The following SLC16A14 variants were observed in gnomAD, a reference collection of about 807,000 sequenced individuals.
The protein encoded by SLC16A14 is solute carrier family 16 member 14.
In SLC16A14, 14 loss-of-function variants were observed where a neutral mutation model predicts 35.8. The observed-to-expected ratio is 0.39, with a 90% CI of 0.26 to 0.61. The LOEUF (loss-of-function observed/expected upper bound fraction) is 0.61, where lower values mean the gene tolerates loss of function less well. Ranked by LOEUF, SLC16A14 falls within the 20% of genes least tolerant of loss-of-function variation. SLC16A14 has a pLI of 0.51. For missense variants in SLC16A14, 533 were observed against 655.0 expected (o/e 0.81, Z 2.03); for synonymous variants, 248 against 258.9 (o/e 0.96, Z 0.40).
intron 1 of SLC16A14, chr2:230,067,007 G>A (rs4246641): frequency 0.92 from 161,970 of 175,492 alleles, 76,240 homozygotes; most frequent in Non-Finnish European, 1. Context: ...CGGGAAGCAC[G>A]AAGCTAAAAT....
chr2:230,060,972 T>C (rs2106276941), intron 1 of SLC16A14, among the ~76,000 whole-genome samples: 1 of 152,244 alleles, frequency 6.6e-6, no homozygotes, highest in African/African-American at 2.4e-5. Context: ...AGAGGTTGTG[T>C]AGGAGACTTA....
chr2:230,037,520 C>A lies in SLC16A14; in HGVS notation c.1393G>T (p.Asp465Tyr). 1.2e-6 allele frequency: 2 copies of A among 1,606,246 alleles called. No individual in the cohort carries two copies. Among genetic ancestry groups the A allele is most frequent in the South Asian group, 2.2e-5 (2 of 89,466 alleles). Residue 465 changes from aspartate to tyrosine, a missense_variant, in exon 5 of 5, where the codon GAC (aspartate) becomes TAC (tyrosine). Coordinates refer to ENST00000295190, the MANE Select transcript of SLC16A14 (RefSeq NM_152527.5). ...GAAAAATCATATTTTTGCGTGATGT[C>A]ATAGATCCACCCTACAAAACAAAAA... The part of the protein sequence containing the change: ...LGPPFAGWIY[D>Y]ITQKYDFSFY...
chr2:230,044,251 G>A (rs1482574810), intron 4 of SLC16A14, among the ~76,000 whole-genome samples: 1 of 151,432 alleles, frequency 6.6e-6, no homozygotes, highest in East Asian at 2.0e-4. Context: ...AGGCAGGAGG[G>A]ATCACAAGGT....
Position 230,046,608 on chromosome 2 carries a change from A to G in SLC16A14, c.518T>C (p.Phe173Ser), listed in dbSNP as rs548248974. The G allele has an allele frequency of 6.2e-7, 1 of 1,613,402 alleles. No homozygotes were observed. The highest frequency in any genetic ancestry group is 1.3e-5 in the African/African-American group (1 of 75,064). Residue 173 changes from phenylalanine (F) to serine (S), a missense_variant, in exon 4 of 5, where the codon TTC (phenylalanine) becomes TCC (serine). Coordinates refer to ENST00000295190, the MANE Select transcript of SLC16A14 (RefSeq NM_152527.5). The surrounding 1 kb of genome is among the most constrained non-coding windows in gnomAD (Gnocchi z 5.0). ...LSTTGTGFGT[F>S]LMTVLLKYLC... ...GTACTTCAGCAGCACAGTCATTAGG[A>G]ACGTACCGAATCCGGTCCCCGTGGT...
In SLC16A14 at chr2:230,036,226, C is replaced by T. The variant is rs757729269; in HGVS notation, c.*1154G>A. 3.3e-5 allele frequency: 5 copies of T among 152,576 alleles called. No individual in the cohort carries two copies. Among genetic ancestry groups the T allele is most frequent in the Admixed American group, 3.3e-4 (5 of 15,272 alleles). 9.5% of individuals were successfully genotyped at this position (152,576 alleles called of 1,614,324 possible). On this transcript the variant is annotated 3_prime_UTR_variant, in exon 5 of 5. Transcript: ENST00000295190. ...ATAGACATCTCAGATAAAGAAAGGGCATTATTAGATGTCATGGATCACAGT... is the reference window on the plus strand; with the variant it reads ...ATAGACATCTCAGATAAAGAAAGGGTATTATTAGATGTCATGGATCACAGT...
intron 2 of SLC16A14, chr2:230,058,350 CAAATGTTTA>C (rs930967186): frequency 6.6e-6 from 1 of 151,722 alleles, no homozygotes; most frequent in African/African-American, 2.4e-5. Flanking sequence ...TAAAATACTC[CAAATGTTTA>C]AAATATTTAA....
At chr2:230,058,758 G>A (rs61211503) in intron 2 of SLC16A14, among the ~76,000 whole-genome samples, 30,283 of 151,816 alleles carry the variant, frequency 0.2, 3,082 homozygotes, top group Middle Eastern at 0.26. Flanking sequence ...TCAGCCTCCC[G>A]AGTAGCTGGG....
chr2:230,065,599 G>A (rs944238901), intron 1 of SLC16A14, among the ~76,000 whole-genome samples: 1 of 152,092 alleles, frequency 6.6e-6, no homozygotes, highest in Admixed American at 6.6e-5. Flanking sequence ...TAGATCTGCT[G>A]AGCAATGGAG....
chr2:230,052,900 C>T (rs188941206), intron 2 of SLC16A14, among the ~76,000 whole-genome samples: 1 of 151,374 alleles, frequency 6.6e-6, no homozygotes, highest in African/African-American at 2.4e-5. Flanking sequence ...TCTCAGTTTC[C>T]TCCCTCCTCC....
At chr2:230,067,517 T>G (rs2077808800) in intron 1 of SLC16A14, among the ~76,000 whole-genome samples, 1 of 145,784 alleles carries the variant, frequency 6.9e-6, no homozygotes, top group Admixed American at 6.8e-5. Context: ...CCCCCAACAC[T>G]GCCTCTCTCC....
At chr2:230,061,914 G>A (rs1381537080) in intron 1 of SLC16A14, among the ~76,000 whole-genome samples, 6 of 151,634 alleles carry the variant, frequency 4.0e-5, no homozygotes, top group Non-Finnish European at 5.9e-5. Flanking sequence ...GCTAATTTTT[G>A]TATTTTTATT....
chr2:230,067,510 C>G (rs1466269131), intron 1 of SLC16A14, among the ~76,000 whole-genome samples: 3 of 150,934 alleles, frequency 2.0e-5, no homozygotes, highest in Non-Finnish European at 4.4e-5. Flanking sequence ...CCTCCCACCC[C>G]CAACACTGCC....
At chr2:230,061,246 G>A (rs2077749970) in intron 1 of SLC16A14, among the ~76,000 whole-genome samples, 1 of 152,222 alleles carries the variant, frequency 6.6e-6, no homozygotes, top group Non-Finnish European at 1.5e-5. Flanking sequence ...AAAATGTTTA[G>A]CTGGTCTAAG....
intron 2 of SLC16A14, 36 bp from the exon 3 acceptor site, chr2:230,049,940 G>A: frequency 1.3e-6 from 2 of 1,599,472 alleles, no homozygotes; most frequent in South Asian, 1.1e-5. Context: ...TTGACTAAAG[G>A]TGCTTCCGTT....
At position 230,035,821 on chromosome 2, in the gene SLC16A14, T is replaced by C. The variant is rs555685075; in HGVS notation, c.*1559A>G. Reference sequence around the variant, plus strand: ...TTACACAACCACTCCCACTATACATTAGAGCAGGAAATAATGGAGATGGAA... The same window carrying C: ...TTACACAACCACTCCCACTATACATCAGAGCAGGAAATAATGGAGATGGAA... On this transcript the variant is annotated 3_prime_UTR_variant, in exon 5 of 5. Transcript: ENST00000295190. 1.3e-5 allele frequency: 2 copies of C among 152,310 alleles called. No homozygotes were observed. The highest frequency in any genetic ancestry group is 6.5e-5 in the Admixed American group (1 of 15,288). 9.4% of individuals were successfully genotyped at this position (152,310 alleles called of 1,614,324 possible). A position where few individuals can be genotyped will look rare whatever the true frequency, so the allele number is the denominator to read the frequency against.
chr2:230,053,179 G>T (rs953028558), intron 2 of SLC16A14, among the ~76,000 whole-genome samples: 8 of 152,092 alleles, frequency 5.3e-5, no homozygotes, highest in African/African-American at 1.7e-4. Flanking sequence ...CTGACCTCAG[G>T]TGATCCACCC....
At chr2:230,040,633 G>GT (rs35243436) in intron 4 of SLC16A14, among the ~76,000 whole-genome samples, 1,748 of 151,838 alleles carry the variant, frequency 0.012, 45 homozygotes, top group African/African-American at 0.04. Flanking sequence ...ACTCATGTCA[G>GT]TTTTTTTTAA....
At chr2:230,049,236 ATT>A (rs11420320) in intron 3 of SLC16A14, among the ~76,000 whole-genome samples, 3 of 141,530 alleles carry the variant, frequency 2.1e-5, no homozygotes, top group Non-Finnish European at 1.5e-5. Flanking sequence ...CACTTGGCTA[ATT>A]TTTTTTTTTT....
intron 2 of SLC16A14, among the ~76,000 whole-genome samples, chr2:230,055,199 C>G (rs1010032616): frequency 2.0e-5 from 3 of 152,044 alleles, no homozygotes; most frequent in Non-Finnish European, 4.4e-5. Context: ...AATGGTCTGG[C>G]CTCCAGTGTT....
Sources: gnomAD v4.1 joint callset for allele counts (sites outside exome capture counted in the v4.1 genomes callset) on GRCh38, gnomAD v4.1.1 for gene constraint, Gnocchi (gnomAD v3.1) non-coding constraint, MANE v1.5 for transcripts, NCBI Gene and HGNC (gene_info 2026-07-23, HGNC 2026-07-21) for gene names.